Variants in IFT140 observed in about 807,000 individuals in gnomAD.
The protein encoded by IFT140 is intraflagellar transport 140, also known as intraflagellar transport protein 140 homolog.
In IFT140, 133 loss-of-function variants were observed where a neutral mutation model predicts 164.6. That is an observed-to-expected ratio of 0.81 (90% CI 0.70 to 0.93). The LOEUF (loss-of-function observed/expected upper bound fraction) is 0.93, where lower values mean the gene tolerates loss of function less well. Ranked by LOEUF, IFT140 falls within the 40% of genes least tolerant of loss-of-function variation. The pLI is 0.00. For synonymous variants in IFT140, 860 were observed against 817.3 expected, an observed-to-expected ratio of 1.05 and a Z score of -0.89; for missense variants, 2,045 against 1,972.3, an observed-to-expected ratio of 1.04 and a Z score of -0.70.
chr16:1,548,530 A>G (rs2032363245), intron 19 of IFT140, among the ~76,000 whole-genome samples: 1 of 152,242 alleles, frequency 6.6e-6, no homozygotes. Context: ...CGTGTTTGCT[A>G]AAACTCTTCC....
chr16:1,570,749 C>T (rs1030240700), intron 14 of IFT140, among the ~76,000 whole-genome samples: 2 of 152,068 alleles, frequency 1.3e-5, no homozygotes, highest in Non-Finnish European at 2.9e-5. Context: ...TCCTGGGGTC[C>T]TCTAACATTC....
At position 1,520,237 on chromosome 16, in the gene IFT140, G is replaced by A. The variant is rs1325819285; in HGVS notation, c.3767C>T (p.Ser1256Phe). Reference protein sequence around the residue: ...IYIMAANYLQSLDWRKEPEIM... With the variant: ...IYIMAANYLQFLDWRKEPEIM... Reference sequence around the variant, plus strand: ...CTCCGGCTCCTTCCGCCAGTCCAGGGACTGCAGGTAGTTAGCAGCCATGAT... The same window carrying A: ...CTCCGGCTCCTTCCGCCAGTCCAGGAACTGCAGGTAGTTAGCAGCCATGAT... The change falls in exon 28 of 31, where the codon TCC becomes TTC. Residue 1256 changes from serine (S) to phenylalanine (F), a missense_variant. Transcript: ENST00000426508. The A allele has an allele frequency of 3.7e-6, 6 of 1,614,246 alleles. No individual in the cohort carries two copies. In the East Asian group the frequency reaches 6.7e-5, roughly 18 times the overall value.
chr16:1,537,539 G>C (rs1315178674), intron 19 of IFT140, among the ~76,000 whole-genome samples: 1 of 152,222 alleles, frequency 6.6e-6, no homozygotes, highest in East Asian at 1.9e-4. Context: ...CCCTGCCAGG[G>C]GTGTCCTGTG....
chr16:1,523,739 T>C, intron 25 of IFT140, 39 bp from the exon 26 acceptor site: 1 of 1,606,616 alleles, frequency 6.2e-7, no homozygotes, highest in Non-Finnish European at 8.5e-7. Context: ...GCCCGAGGCC[T>C]GGGGGCCCGA....
intron 4 of IFT140, among the ~76,000 whole-genome samples, chr16:1,597,196 A>G (rs748556111): frequency 2.6e-5 from 4 of 152,168 alleles, no homozygotes; most frequent in Admixed American, 6.5e-5. Context: ...CTTGGCTCGC[A>G]GGAGTTCCCC....
chr16:1,598,814 G>C (rs1596453389), intron 4 of IFT140, among the ~76,000 whole-genome samples: 1 of 152,180 alleles, frequency 6.6e-6, no homozygotes, highest in Non-Finnish European at 1.5e-5. Context: ...TGCCGAGATT[G>C]CAGCCTCTGC....
In IFT140 at chr16:1,510,975, T is replaced by A; in HGVS notation, c.4358A>T (p.Glu1453Val). The A allele has an allele frequency of 6.2e-7, 1 of 1,612,166 alleles. No individual in the cohort carries two copies. The highest frequency in any genetic ancestry group is 8.5e-7 in the Non-Finnish European group (1 of 1,179,344). ...SMEDARELDEEVVEEADDDP is the reference protein window; with the variant it reads ...SMEDARELDEVVVEEADDDP ...GTCGTCATCTGCCTCTTCCACCACC[T>A]CCTCGTCCAGCTCCCTGGCGTCCTC... is the stretch of plus-strand genomic sequence containing the variant. Residue 1453 changes from glutamate (E) to valine (V), a missense_variant, in exon 31 of 31, where the codon GAG becomes GTG. Coordinates refer to ENST00000426508, the MANE Select transcript of IFT140 (RefSeq NM_014714.4).
At chr16:1,585,469 G>A (rs1018188456) in intron 10 of IFT140, among the ~76,000 whole-genome samples, 4 of 152,166 alleles carry the variant, frequency 2.6e-5, no homozygotes, top group African/African-American at 9.7e-5. Context: ...CGCTGAAACT[G>A]TTCTAGAATT....
At chr16:1,592,113 A>T in intron 6 of IFT140, 63 bp downstream of exon 6, 1 of 1,573,272 alleles carries the variant, frequency 6.4e-7, no homozygotes, top group Non-Finnish European at 8.7e-7. Context: ...TGTGAGTTTA[A>T]AATCCCTACC....
intron 19 of IFT140, among the ~76,000 whole-genome samples, chr16:1,528,387 G>GCA (rs565162063): frequency 4.6e-5 from 6 of 131,718 alleles, no homozygotes; most frequent in East Asian, 2.3e-4. Context: ...ACGCACGTGT[G>GCA]CACACACACG....
intron 13 of IFT140, 59 bp from the exon 14 acceptor site, chr16:1,571,593 A>T: frequency 1.3e-6 from 2 of 1,538,630 alleles, no homozygotes; most frequent in Non-Finnish European, 1.8e-6. Flanking sequence ...CATTGTTCAC[A>T]GATAACCTTG....
In IFT140 at chr16:1,593,880, C is replaced by T. The variant is rs564511825; in HGVS notation, c.370-1292G>A. On this transcript the variant is annotated intron_variant, in intron 4 of 30. Transcript: ENST00000426508. ...GTACTGTTCAGAAAGAAGTCACTCT[C>T]TGCAGCCTGTACTTGAGGAGTGGGA... Among the ~76,000 whole-genome samples, 5 of 152,322 alleles carry T rather than the reference C, an allele frequency of 3.3e-5. No individual in the cohort carries two copies. The East Asian group carries it at 5.8e-4, about 18-fold the overall frequency.
Position 1,602,608 on chromosome 16 carries a change from G to A in IFT140, c.148-17C>T, listed in dbSNP as rs767328501. ...GCACTCCCCCTGCATTGGATGAGAG[G>A]CAAATTCCCACAGTTCAGAGAGGGA... On this transcript the variant is annotated splice_polypyrimidine_tract_variant and intron_variant, in intron 3 of 30. Transcript: ENST00000426508. The A allele has an allele frequency of 8.7e-6, 14 of 1,604,826 alleles. No individual in the cohort carries two copies. Among genetic ancestry groups the A allele is most frequent in the Non-Finnish European group, 1.2e-5 (14 of 1,177,132 alleles).
At position 1,592,525 on chromosome 16, in the gene IFT140, TCAG is replaced by T; in HGVS notation, c.430_432del (p.Leu144del). 6.2e-7 allele frequency: 1 copy of T among 1,614,248 alleles called. No homozygotes were observed. Among genetic ancestry groups the T allele is most frequent in the Non-Finnish European group, 8.5e-7 (1 of 1,180,054 alleles). On this transcript the variant is annotated inframe_deletion, in exon 5 of 31. Coordinates refer to ENST00000426508, the MANE Select transcript of IFT140 (RefSeq NM_014714.4). ...GTGAGGTGTTTCCCATACTCGTGTTTCAGCAGAGGCGTCCCTTGCACTCGGCCC... is the reference window on the plus strand; with the variant it reads ...GTGAGGTGTTTCCCATACTCGTGTTTCAGAGGCGTCCCTTGCACTCGGCCC...
intron 19 of IFT140, among the ~76,000 whole-genome samples, chr16:1,543,604 C>T (rs568965289): frequency 6.6e-6 from 1 of 152,286 alleles, no homozygotes; most frequent in African/African-American, 2.4e-5. Flanking sequence ...CTCTGCATGC[C>T]CAACTTCGAA....
intron 19 of IFT140, chr16:1,541,119 C>G: frequency 1.0e-6 from 1 of 985,454 alleles, no homozygotes; most frequent in South Asian, 4.7e-5. Flanking sequence ...CTGCCCCTGA[C>G]CACGCATCCA....
At chr16:1,537,643 T>C (rs1440743444) in intron 19 of IFT140, among the ~76,000 whole-genome samples, 2 of 152,214 alleles carry the variant, frequency 1.3e-5, no homozygotes, top group Non-Finnish European at 2.9e-5. Flanking sequence ...CCACCTCACA[T>C]GCCATGTCCA....
At position 1,588,146 on chromosome 16, in the gene IFT140, T is replaced by G. The variant is rs1238097300; in HGVS notation, c.811-122A>C. The G allele has an allele frequency of 8.6e-6, 6 of 698,636 alleles. No homozygotes were observed. In the East Asian group the frequency reaches 1.6e-4, roughly 19 times the overall value. 43.3% of individuals were successfully genotyped at this position (698,636 alleles called of 1,614,324 possible). On this transcript the variant is annotated intron_variant, in intron 7 of 30. Coordinates refer to ENST00000426508, the MANE Select transcript of IFT140 (RefSeq NM_014714.4). ...GGAGACTCACCAAGTGGGGGAAACA[T>G]GGGGACAAATGATAGAAACTCTGTG... is the stretch of plus-strand genomic sequence containing the variant.
At chr16:1,554,591 G>T (rs965062506) in intron 19 of IFT140, among the ~76,000 whole-genome samples, 1 of 152,190 alleles carries the variant, frequency 6.6e-6, no homozygotes, top group Non-Finnish European at 1.5e-5. Context: ...CAGGGCAGCC[G>T]CCCCGTAAAG....
Sources: gnomAD v4.1 joint callset for allele counts (sites outside exome capture counted in the v4.1 genomes callset) on GRCh38, gnomAD v4.1.1 for gene constraint, MANE v1.5 for transcripts, NCBI Gene and HGNC (gene_info 2026-07-23, HGNC 2026-07-21) for gene names.